Variants in DGKB observed in about 807,000 individuals in gnomAD.
DGKB encodes diacylglycerol kinase beta.
In DGKB, 67 loss-of-function variants were observed where a neutral mutation model predicts 114.3. That is an observed-to-expected ratio of 0.59 (90% CI 0.48 to 0.72). The LOEUF is 0.72. Ranked by LOEUF, DGKB falls within the 30% of genes least tolerant of loss-of-function variation. The pLI, the probability that DGKB is intolerant of heterozygous loss-of-function variation, is 0.00. For synonymous variants in DGKB, 398 were observed against 323.1 expected (o/e 1.23, Z -2.49); for missense variants, 907 against 975.2 (o/e 0.93, Z 0.93).
rs1295032065 is a variant in DGKB, at chr7:14,771,291, G to A, written c.71-13560C>T. Reference sequence around the variant, plus strand: ...AAGCTCTGGGAAACTGTAATTTTCAGTTGGTCTGGTGATATTTTCCCAGCA... The same window carrying A: ...AAGCTCTGGGAAACTGTAATTTTCAATTGGTCTGGTGATATTTTCCCAGCA... On this transcript the variant is annotated intron_variant, in intron 2 of 25. Coordinates refer to ENST00000402815, the MANE Select transcript of DGKB (RefSeq NM_001350709.2). Among the ~76,000 whole-genome samples, 3 of 152,244 alleles carry A rather than the reference G, an allele frequency of 2.0e-5. No individual in the cohort carries two copies. The East Asian group carries it at 5.8e-4, about 29-fold the overall frequency.
chr7:14,785,927 G>A lies in DGKB; in HGVS notation c.71-28196C>T, dbSNP rs531920422. Reference sequence around the variant, plus strand: ...TTTTTGCAAGAGCTGTAAGATCTACGGATAAAGAAAGTCATCTTTCAAGTT... The same window carrying A: ...TTTTTGCAAGAGCTGTAAGATCTACAGATAAAGAAAGTCATCTTTCAAGTT... On this transcript the variant is annotated intron_variant, in intron 2 of 25. Coordinates refer to ENST00000402815, the MANE Select transcript of DGKB (RefSeq NM_001350709.2). Among the ~76,000 whole-genome samples, 665 of 150,346 alleles carry A rather than the reference G, an allele frequency of 4.4e-3. 7 individuals are homozygous for A. The highest frequency in any genetic ancestry group is 0.015 in the African/African-American group (617 of 40,528).
At chr7:14,690,216 AG>A (rs1228302422) in intron 9 of DGKB, among the ~76,000 whole-genome samples, 1 of 152,236 alleles carries the variant, frequency 6.6e-6, no homozygotes, top group Non-Finnish European at 1.5e-5. Context: ...ATGCAGGAAA[AG>A]GAAATGTTCA....
chr7:14,405,983 A>G (rs1823872344), intron 21 of DGKB, among the ~76,000 whole-genome samples: 1 of 151,920 alleles, frequency 6.6e-6, no homozygotes, highest in South Asian at 2.1e-4. Flanking sequence ...CTTGAAGGAG[A>G]AAAAGGAGGA....
At chr7:14,812,920 C>T (rs1010039171) in intron 2 of DGKB, among the ~76,000 whole-genome samples, 7 of 152,116 alleles carry the variant, frequency 4.6e-5, no homozygotes, top group South Asian at 2.1e-4. Flanking sequence ...ATTCCCAATC[C>T]ACAACTCACT....
chr7:14,152,063 T>G (rs1260298361), intron 25 of DGKB, among the ~76,000 whole-genome samples: 1 of 152,042 alleles, frequency 6.6e-6, no homozygotes, highest in Non-Finnish European at 1.5e-5. Context: ...ACAGGGCCTG[T>G]AATTATGACT....
chr7:14,272,635 G>C (rs761712668), intron 23 of DGKB, among the ~76,000 whole-genome samples: 8 of 151,722 alleles, frequency 5.3e-5, no homozygotes, highest in Admixed American at 1.3e-4. Context: ...TACTTTTTTT[G>C]CTTAAAGCAG....
chr7:14,901,566 A>AT (rs1386790080), intron 1 of DGKB, among the ~76,000 whole-genome samples: 1 of 150,990 alleles, frequency 6.6e-6, no homozygotes, highest in African/African-American at 2.4e-5. Flanking sequence ...TAAGTCTAAC[A>AT]TTTTTGTGTA....
chr7:14,565,039 C>T (rs528084714), intron 20 of DGKB, among the ~76,000 whole-genome samples: 12 of 152,196 alleles, frequency 7.9e-5, no homozygotes, highest in South Asian at 2.1e-4. Context: ...AACTGTCTTC[C>T]GTCAAGAGGT....
At chr7:14,662,087 G>T (rs1356638229) in intron 13 of DGKB, among the ~76,000 whole-genome samples, 1 of 152,158 alleles carries the variant, frequency 6.6e-6, no homozygotes, top group African/African-American at 2.4e-5. Context: ...GATATCAATG[G>T]GAGATATACC....
chr7:14,279,991 C>A (rs957493909), intron 23 of DGKB, among the ~76,000 whole-genome samples: 2 of 152,128 alleles, frequency 1.3e-5, no homozygotes, highest in African/African-American at 2.4e-5. Flanking sequence ...TCACCAGTAA[C>A]GGAACAAAGC....
chr7:14,658,147 AGGGTG>A (rs1351333655), intron 13 of DGKB, among the ~76,000 whole-genome samples: 1 of 151,884 alleles, frequency 6.6e-6, no homozygotes, highest in African/African-American at 2.4e-5. Flanking sequence ...TGGTTTTCTG[AGGGTG>A]TTATAGGTAG....
At chr7:14,695,586 G>A (rs1262746860) in intron 8 of DGKB, among the ~76,000 whole-genome samples, 1 of 133,404 alleles carries the variant, frequency 7.5e-6, no homozygotes, top group Non-Finnish European at 1.5e-5. Flanking sequence ...AGCAAGCTCC[G>A]CCTCCTGGGT....
chr7:14,449,368 T>C (rs2128833449), intron 21 of DGKB, among the ~76,000 whole-genome samples: 1 of 152,176 alleles, frequency 6.6e-6, no homozygotes, highest in South Asian at 2.1e-4. Flanking sequence ...AAACTGTGTC[T>C]TTGAGAATTG....
intron 20 of DGKB, among the ~76,000 whole-genome samples, chr7:14,528,294 C>T (rs1790975044): frequency 6.6e-6 from 1 of 152,058 alleles, no homozygotes; most frequent in South Asian, 2.1e-4. Flanking sequence ...ACTGCAGTGA[C>T]CTTTCTATAA....
intron 21 of DGKB, among the ~76,000 whole-genome samples, chr7:14,418,068 C>T (rs1386660865): frequency 6.7e-6 from 1 of 150,000 alleles, no homozygotes; most frequent in Non-Finnish European, 1.5e-5. Context: ...CTCTGTACAT[C>T]TCTATATTGC....
chr7:14,326,673 G>A (rs139328475), intron 23 of DGKB, among the ~76,000 whole-genome samples: 1 of 152,122 alleles, frequency 6.6e-6, no homozygotes, highest in African/African-American at 2.4e-5. Context: ...ATGGCATAAT[G>A]ATTTGTTTCT....
chr7:14,916,402 G>A (rs139120211), intron 1 of DGKB, among the ~76,000 whole-genome samples: 21 of 152,044 alleles, frequency 1.4e-4, no homozygotes, highest in Admixed American at 1.4e-3. Context: ...ATAAAAACTT[G>A]TCAGAGGACA....
At position 14,902,642 on chromosome 7, in the gene DGKB, T is replaced by A. The variant is rs550414989; in HGVS notation, c.-238A>T. The A allele has an allele frequency of 6.6e-6, 1 of 152,378 alleles. No homozygotes were observed. The highest frequency in any genetic ancestry group is 1.9e-4 in the East Asian group (1 of 5,172). 9.4% of individuals were successfully genotyped at this position (152,378 alleles called of 1,614,324 possible). A position where few individuals can be genotyped will look rare whatever the true frequency, so the allele number is the denominator to read the frequency against. On this transcript the variant is annotated 5_prime_UTR_variant, in exon 1 of 26. Transcript: ENST00000402815. The stretch of plus-strand genomic sequence containing the variant: ...AGCGCATCTCTGAAGCGAGAGCCAC[T>A]GCTTTTCCGGAGAGGAACTGGGACT...
At chr7:14,244,473 G>A (rs928416763) in intron 23 of DGKB, among the ~76,000 whole-genome samples, 11 of 150,708 alleles carry the variant, frequency 7.3e-5, no homozygotes, top group South Asian at 2.1e-4. Context: ...TGGCTAACAC[G>A]GTGAAACCCC....
Sources: allele counts gnomAD v4.1 joint callset (sites outside exome capture counted in the v4.1 genomes callset), GRCh38; gene constraint gnomAD v4.1.1; transcripts MANE v1.5; gene names NCBI Gene and HGNC (gene_info 2026-07-23, HGNC 2026-07-21).